Variants in TMC2 observed in about 807,000 individuals in gnomAD.
TMC2 encodes the protein transmembrane channel like 2.
In TMC2, 102 loss-of-function variants were observed where a neutral mutation model predicts 105.9. The ratio of observed to expected loss-of-function variants is 0.96; its 90% confidence interval spans 0.82 to 1.14. The LOEUF (loss-of-function observed/expected upper bound fraction) is 1.14. Ranked by LOEUF, TMC2 falls within the 50% of genes most tolerant of loss-of-function variation. The pLI is 0.00. For missense variants in TMC2, 1,093 were observed against 1,134.3 expected (o/e 0.96, Z 0.52); for synonymous variants, 402 against 422.8 (o/e 0.95, Z 0.60).
At chr20:2,606,948 T>C (rs1388994238) in intron 11 of TMC2, among the ~76,000 whole-genome samples, 2 of 150,676 alleles carry the variant, frequency 1.3e-5, no homozygotes, top group East Asian at 1.9e-4. Flanking sequence ...TTTTTCTAAT[T>C]TTTATTTATA....
intron 10 of TMC2, among the ~76,000 whole-genome samples, chr20:2,599,908 T>C (rs776279871): frequency 2.0e-5 from 3 of 152,222 alleles, no homozygotes; most frequent in Non-Finnish European, 4.4e-5. Flanking sequence ...GACTGATGCC[T>C]GCAGATGGCA....
At chr20:2,547,130 T>A (rs185506277) in intron 2 of TMC2, among the ~76,000 whole-genome samples, 1 of 152,180 alleles carries the variant, frequency 6.6e-6, no homozygotes, top group East Asian at 1.9e-4. Context: ...GAATATCAAG[T>A]AAAAAGATTC....
intron 4 of TMC2, among the ~76,000 whole-genome samples, chr20:2,566,892 A>G (rs971005697): frequency 3.3e-5 from 5 of 152,254 alleles, no homozygotes; most frequent in Non-Finnish European, 5.9e-5. Flanking sequence ...TGGCCAAAGG[A>G]CCAGGGAAGA....
In TMC2 at chr20:2,597,316, G is replaced by T. The variant is rs372375337; in HGVS notation, c.1224+18G>T. The T allele has an allele frequency of 1.0e-5, 16 of 1,607,780 alleles. No homozygotes were observed. The African/African-American group carries it at 2.1e-4, about 21-fold the overall frequency. ...GCTTCAAGGTAGTCACCCCAGGGCA[G>T]TTCCCACTTCCGGAGAACTCTAGGT... On this transcript the variant is annotated intron_variant, in intron 10 of 19. Coordinates refer to ENST00000358864, the MANE Select transcript of TMC2 (RefSeq NM_080751.3).
rs2086278393 is a variant in TMC2, at chr20:2,592,743, T to C, written c.933+335T>C. 6.6e-6 allele frequency among the ~76,000 whole-genome samples: 1 copy of C among 152,128 alleles called. No homozygotes were observed. Among genetic ancestry groups the C allele is most frequent in the Non-Finnish European group, 1.5e-5 (1 of 68,020 alleles). On this transcript the variant is annotated intron_variant, in intron 8 of 19. Coordinates refer to ENST00000358864, the MANE Select transcript of TMC2 (RefSeq NM_080751.3). The surrounding 1 kb of genome is among the most constrained non-coding windows in gnomAD (Gnocchi z 4.9). ...CCCAGATCTATCTCCACTCCAGGCT[T>C]CCCCAAGTTTCACATGACATCTTCA...
intron 14 of TMC2, chr20:2,613,577 G>T: frequency 2.2e-6 from 1 of 445,842 alleles, no homozygotes; most frequent in Admixed American, 3.0e-5. Flanking sequence ...TGGCCTAGGG[G>T]AAAGTGGACC....
Position 2,636,459 on chromosome 20 carries a change from T to TACACACACACACACACACACACACAC in TMC2, c.2385+464_2385+489dup, listed in dbSNP as rs3051763. 2.1e-5 allele frequency among the ~76,000 whole-genome samples: 3 copies of TACACACACACACACACACACACACAC among 143,418 alleles called. No individual in the cohort carries two copies. The Admixed American group carries it at 2.1e-4, about 10-fold the overall frequency. 94.1% of individuals were successfully genotyped at this position (143,418 alleles called of 152,430 possible). On this transcript the variant is annotated intron_variant, in intron 18 of 19. Transcript: ENST00000358864. Reference sequence around the variant, plus strand: ...TGACACCCTACTTCTGACTGCTGTCTACACACACACACACACACACACACA... The same window carrying TACACACACACACACACACACACACAC: ...TGACACCCTACTTCTGACTGCTGTCTACACACACACACACACACACACACACACACACACACACACACACACACACA...
chr20:2,567,213 T>C (rs1181513529), intron 4 of TMC2, among the ~76,000 whole-genome samples: 1 of 152,096 alleles, frequency 6.6e-6, no homozygotes, highest in Admixed American at 6.5e-5. Context: ...CAGGCTTGAG[T>C]GGAGGCCTGA....
intron 7 of TMC2, among the ~76,000 whole-genome samples, chr20:2,580,296 T>C (rs1363017249): frequency 6.6e-6 from 1 of 152,222 alleles, no homozygotes; most frequent in African/African-American, 2.4e-5. Flanking sequence ...TGGCAAAAAC[T>C]ACAATTACTT....
intron 19 of TMC2, among the ~76,000 whole-genome samples, chr20:2,638,158 G>A (rs969227222): frequency 6.6e-6 from 1 of 152,106 alleles, no homozygotes; most frequent in Non-Finnish European, 1.5e-5. Context: ...TGGCTGACAC[G>A]GTGAAACCCT....
chr20:2,614,071 A>G (rs981054879), intron 14 of TMC2: 1 of 151,846 alleles, frequency 6.6e-6, no homozygotes, highest in Non-Finnish European at 1.5e-5. Flanking sequence ...TTCAGTCACC[A>G]GTCTCAGTTT....
intron 2 of TMC2, among the ~76,000 whole-genome samples, chr20:2,552,497 T>C (rs74953372): frequency 6.6e-6 from 1 of 152,186 alleles, no homozygotes; most frequent in Non-Finnish European, 1.5e-5. Flanking sequence ...CATATTTTGT[T>C]AGATTTATAT....
At chr20:2,542,763 C>T (rs1363526641) in intron 2 of TMC2, among the ~76,000 whole-genome samples, 3 of 149,890 alleles carry the variant, frequency 2.0e-5, no homozygotes, top group Non-Finnish European at 4.4e-5. Flanking sequence ...CACATCTTGG[C>T]TCACTGCAAC....
chr20:2,619,013 A>G (rs987566855), intron 16 of TMC2, among the ~76,000 whole-genome samples: 4 of 152,036 alleles, frequency 2.6e-5, no homozygotes, highest in African/African-American at 9.7e-5. Flanking sequence ...ACTTCCTTAA[A>G]TTGTGCACTC....
chr20:2,547,130 T>C (rs185506277), intron 2 of TMC2, among the ~76,000 whole-genome samples: 1 of 152,060 alleles, frequency 6.6e-6, no homozygotes, highest in Non-Finnish European at 1.5e-5. Flanking sequence ...GAATATCAAG[T>C]AAAAAGATTC....
chr20:2,619,983 G>A (rs2086513226), intron 16 of TMC2, among the ~76,000 whole-genome samples: 1 of 152,178 alleles, frequency 6.6e-6, no homozygotes, highest in Admixed American at 6.5e-5. Context: ...GGAGGCTGAG[G>A]TGGGAGGATT....
chr20:2,630,614 G>A (rs1247258718), intron 17 of TMC2, among the ~76,000 whole-genome samples: 2 of 152,088 alleles, frequency 1.3e-5, no homozygotes, highest in African/African-American at 4.8e-5. Context: ...TTGAGCCCAG[G>A]AGTTTGATAT....
At chr20:2,612,695 A>C (rs955651616) in intron 13 of TMC2, among the ~76,000 whole-genome samples, 2 of 152,098 alleles carry the variant, frequency 1.3e-5, no homozygotes, top group Non-Finnish European at 1.5e-5. Context: ...TTCTCTATAT[A>C]TCAAAAAAAA....
At chr20:2,540,377 A>G (rs999596642) in intron 2 of TMC2, among the ~76,000 whole-genome samples, 8 of 150,944 alleles carry the variant, frequency 5.3e-5, no homozygotes, top group Admixed American at 2.0e-4. Flanking sequence ...AGACATGGAC[A>G]TGGCCGGGCA....
Sources: allele counts gnomAD v4.1 joint callset (sites outside exome capture counted in the v4.1 genomes callset), GRCh38; gene constraint gnomAD v4.1.1; non-coding constraint Gnocchi (gnomAD v3.1); transcripts MANE v1.5; gene names NCBI Gene and HGNC (gene_info 2026-07-23, HGNC 2026-07-21).